Variants in GRIN3A observed in about 807,000 individuals in gnomAD.
The protein encoded by GRIN3A is glutamate receptor ionotropic, NMDA 3A.
A neutral mutation model predicts 92.4 loss-of-function variants in GRIN3A; 47 were observed. The ratio of observed to expected loss-of-function variants is 0.51; its 90% CI spans 0.40 to 0.65. The LOEUF is 0.65. Among genes scored for constraint, GRIN3A ranks in the 30% least tolerant of loss-of-function variants. GRIN3A has a pLI of 0.00. For missense variants in GRIN3A, 1,324 were observed against 1,393.1 expected (o/e 0.95, Z 0.79); for synonymous variants, 527 against 540.6 (o/e 0.97, Z 0.35).
intron 1 of GRIN3A, among the ~76,000 whole-genome samples, chr9:101,687,761 C>T: frequency 6.6e-6 from 1 of 152,158 alleles, no homozygotes. Context: ...ATACATACAT[C>T]AAGACTAAGT....
chr9:101,622,420 A>C (rs924935641), intron 5 of GRIN3A, among the ~76,000 whole-genome samples: 37 of 152,154 alleles, frequency 2.4e-4, no homozygotes, highest in African/African-American at 8.2e-4. Context: ...GAATTGGGAG[A>C]AGTGAAATTT....
At chr9:101,618,759 G>C (rs1422655504) in intron 5 of GRIN3A, among the ~76,000 whole-genome samples, 1 of 152,112 alleles carries the variant, frequency 6.6e-6, no homozygotes, top group Admixed American at 6.6e-5. Flanking sequence ...ATAAAACCTT[G>C]AGGGTTTTAT....
intron 3 of GRIN3A, among the ~76,000 whole-genome samples, chr9:101,658,933 A>T (rs939972490): frequency 2.6e-5 from 4 of 151,842 alleles, no homozygotes; most frequent in African/African-American, 9.7e-5. Flanking sequence ...CCAGTGGTTG[A>T]ATCACACTAG....
chr9:101,709,633 G>A (rs189467749), intron 1 of GRIN3A, among the ~76,000 whole-genome samples: 2 of 152,292 alleles, frequency 1.3e-5, no homozygotes, highest in African/African-American at 4.8e-5. Flanking sequence ...CCAACGCTCA[G>A]TTTGTTCATT....
At chr9:101,709,107 T>A (rs1302820449) in intron 1 of GRIN3A, among the ~76,000 whole-genome samples, 1 of 152,180 alleles carries the variant, frequency 6.6e-6, no homozygotes, top group Non-Finnish European at 1.5e-5. Context: ...GTTTTTTTTT[T>A]CTTCTCTTTT....
intron 3 of GRIN3A, among the ~76,000 whole-genome samples, chr9:101,630,334 AC>A (rs1220632378): frequency 1.3e-5 from 2 of 152,188 alleles, no homozygotes; most frequent in African/African-American, 2.4e-5. Context: ...CAATAGAGAA[AC>A]ATAACTACTT....
chr9:101,580,968 CAGCCATTATTT>C (rs1003160336), intron 6 of GRIN3A, among the ~76,000 whole-genome samples: 7 of 152,196 alleles, frequency 4.6e-5, no homozygotes, highest in South Asian at 2.1e-4. Context: ...TACTCTAAAA[CAGCCATTATTT>C]AGCCATTGAC....
chr9:101,619,101 C>G (rs759480274), intron 5 of GRIN3A, among the ~76,000 whole-genome samples: 42 of 152,164 alleles, frequency 2.8e-4, no homozygotes, highest in African/African-American at 5.3e-4. Context: ...TATATTTTAG[C>G]TAGCAAATGT....
intron 1 of GRIN3A, among the ~76,000 whole-genome samples, chr9:101,733,314 A>G (rs1324834885): frequency 3.9e-5 from 6 of 152,252 alleles, no homozygotes; most frequent in Non-Finnish European, 7.3e-5. Context: ...CTACTTATCT[A>G]GAAAAGCGAA....
intron 2 of GRIN3A, among the ~76,000 whole-genome samples, chr9:101,684,249 C>T (rs1417251824): frequency 6.0e-5 from 9 of 149,752 alleles, no homozygotes; most frequent in African/African-American, 1.7e-4. Flanking sequence ...ACTACAGTCG[C>T]GGTGCCAGCA....
chr9:101,626,913 GCTAGGGC>G (rs1332169547), intron 4 of GRIN3A, among the ~76,000 whole-genome samples: 17 of 152,178 alleles, frequency 1.1e-4, no homozygotes, highest in Admixed American at 1.1e-3. Flanking sequence ...TTCCCTTCAG[GCTAGGGC>G]AGGGCCAGTG....
At chr9:101,613,065 C>A (rs891374612) in intron 6 of GRIN3A, among the ~76,000 whole-genome samples, 1 of 152,224 alleles carries the variant, frequency 6.6e-6, no homozygotes, top group African/African-American at 2.4e-5. Context: ...TCATGTCAAT[C>A]TCAGATACTA....
intron 1 of GRIN3A, among the ~76,000 whole-genome samples, chr9:101,730,546 G>A (rs565742685): frequency 6.6e-6 from 1 of 152,214 alleles, no homozygotes; most frequent in Admixed American, 6.5e-5. Flanking sequence ...TGTCTAAAAA[G>A]TTGTACAGCC....
At chr9:101,618,788 T>C (rs1828506481) in intron 5 of GRIN3A, among the ~76,000 whole-genome samples, 1 of 152,214 alleles carries the variant, frequency 6.6e-6, no homozygotes. Context: ...CCATTTATAG[T>C]TGCTTTTCAA....
intron 1 of GRIN3A, among the ~76,000 whole-genome samples, chr9:101,699,837 A>C (rs1415741731): frequency 6.6e-6 from 1 of 152,194 alleles, no homozygotes; most frequent in African/African-American, 2.4e-5. Context: ...CATTCCAAAA[A>C]AACTTGGAAT....
intron 1 of GRIN3A, among the ~76,000 whole-genome samples, chr9:101,699,681 T>C (rs926889879): frequency 4.6e-5 from 7 of 152,200 alleles, no homozygotes; most frequent in African/African-American, 7.2e-5. Context: ...CTTCCCAGAC[T>C]ATGCATGAGC....
At chr9:101,624,422 T>C (rs2118872283) in intron 4 of GRIN3A, among the ~76,000 whole-genome samples, 1 of 134,998 alleles carries the variant, frequency 7.4e-6, no homozygotes, top group South Asian at 2.6e-4. Context: ...CCCCTTCCTG[T>C]GTCCATGTGT....
chr9:101,726,678 TA>T (rs1301166808), intron 1 of GRIN3A, among the ~76,000 whole-genome samples: 2 of 151,188 alleles, frequency 1.3e-5, no homozygotes, highest in East Asian at 1.9e-4. Flanking sequence ...TATTTAAAAT[TA>T]AAAAAATATT....
chr9:101,723,375 G>A (rs1288331681), intron 1 of GRIN3A, among the ~76,000 whole-genome samples: 4 of 152,066 alleles, frequency 2.6e-5, no homozygotes, highest in Non-Finnish European at 5.9e-5. Context: ...TCCTCCCGGT[G>A]GGCTTGTGGT....
Sources: allele counts gnomAD v4.1 joint callset (sites outside exome capture counted in the v4.1 genomes callset), GRCh38; gene constraint gnomAD v4.1.1; transcripts MANE v1.5; gene names NCBI Gene and HGNC (gene_info 2026-07-23, HGNC 2026-07-21).